DCDC2: variants seen among roughly 807,000 people sequenced by gnomAD.
DCDC2 encodes the protein doublecortin domain containing 2.
A neutral mutation model predicts 50.2 loss-of-function variants in DCDC2; 40 were observed. That is an observed-to-expected ratio of 0.80 (90% CI 0.62 to 1.04). The LOEUF is 1.04. Ranked by LOEUF, DCDC2 falls within the 50% of genes least tolerant of loss-of-function variation. The pLI, the probability that DCDC2 is intolerant of heterozygous loss-of-function variation, is 0.00. For missense variants in DCDC2, 570 were observed against 581.9 expected, an observed-to-expected ratio of 0.98 and a Z score of 0.21; for synonymous variants, 234 against 210.6, an observed-to-expected ratio of 1.11 and a Z score of -0.96.
rs557479772 is a variant in DCDC2 at position 24,309,673 on chromosome 6, G to A, written c.349-7629C>T. The stretch of plus-strand genomic sequence containing the variant: ...AAAGAACAAAAACAAATATTAGATG[G>A]AACAAAAAAACAAATAACATGATAA... On this transcript the variant is annotated intron_variant, in intron 2 of 9. Coordinates refer to ENST00000378454, the MANE Select transcript of DCDC2 (RefSeq NM_016356.5). Among the ~76,000 whole-genome samples the A allele has an allele frequency of 5.5e-4, 83 of 152,128 alleles. 3 individuals are homozygous for A. Among genetic ancestry groups the A allele is most frequent in the Admixed American group, 5.4e-3 (83 of 15,268 alleles).
At chr6:24,353,107 T>C in intron 2 of DCDC2, 1 of 299,580 alleles carries the variant, frequency 3.3e-6, no homozygotes, top group Non-Finnish European at 6.6e-6. Flanking sequence ...CACAGGTGTT[T>C]TCCTGACATC....
chr6:24,379,263 TGCGAGAAA>T, the DCDC2 span, among the ~76,000 whole-genome samples: 1 of 152,070 alleles, frequency 6.6e-6, no homozygotes, highest in Admixed American at 6.5e-5. Flanking sequence ...ACCTACAGAA[TGCGAGAAA>T]ATTTTTGCAA....
chr6:24,209,976 C>T (rs1055594275), intron 7 of DCDC2, among the ~76,000 whole-genome samples: 2 of 151,606 alleles, frequency 1.3e-5, no homozygotes, highest in Admixed American at 6.6e-5. Flanking sequence ...TTTATTATCT[C>T]ATTTACTTGA....
chr6:24,311,097 A>G (rs999039165), intron 2 of DCDC2, among the ~76,000 whole-genome samples: 12 of 152,048 alleles, frequency 7.9e-5, no homozygotes, highest in Admixed American at 7.9e-4. Flanking sequence ...ACACCTATAA[A>G]AGCTGCCACT....
At chr6:24,255,604 A>T (rs1364224543) in intron 7 of DCDC2, among the ~76,000 whole-genome samples, 1 of 152,186 alleles carries the variant, frequency 6.6e-6, no homozygotes, top group African/African-American at 2.4e-5. Flanking sequence ...AAAGGCAAAC[A>T]ATACAACAGA....
chr6:24,232,245 C>G (rs1377826246), intron 7 of DCDC2, among the ~76,000 whole-genome samples: 1 of 152,158 alleles, frequency 6.6e-6, no homozygotes, highest in Non-Finnish European at 1.5e-5. Context: ...TAACCAGGCA[C>G]AGAAATATTT....
At chr6:24,233,721 T>A (rs561274774) in intron 7 of DCDC2, among the ~76,000 whole-genome samples, 2 of 152,322 alleles carry the variant, frequency 1.3e-5, no homozygotes, top group East Asian at 1.9e-4. Flanking sequence ...CTCTTAATGA[T>A]GAAATAATTT....
At chr6:24,246,479 CTTTT>C (rs4052666) in intron 7 of DCDC2, among the ~76,000 whole-genome samples, 27 of 70,790 alleles carry the variant, frequency 3.8e-4, no homozygotes, top group African/African-American at 4.8e-4. Flanking sequence ...TTTTCTTTTT[CTTTT>C]TTTTTTTTTT....
chr6:24,306,509 G>GATAA (rs1759475926), intron 2 of DCDC2, among the ~76,000 whole-genome samples: 1 of 121,536 alleles, frequency 8.2e-6, no homozygotes, highest in Non-Finnish European at 1.7e-5. Context: ...TAGATAGATA[G>GATAA]ATAGATAGAT....
chr6:24,190,214 C>A (rs768427949), intron 8 of DCDC2, among the ~76,000 whole-genome samples: 2 of 152,088 alleles, frequency 1.3e-5, no homozygotes, highest in Non-Finnish European at 2.9e-5. Flanking sequence ...TCACCCGGGT[C>A]CCTTTAAGCC....
chr6:24,243,376 G>A (rs763182310), intron 7 of DCDC2, among the ~76,000 whole-genome samples: 1 of 152,130 alleles, frequency 6.6e-6, no homozygotes, highest in Non-Finnish European at 1.5e-5. Flanking sequence ...ATTTAATCCA[G>A]GCTCTGCCAC....
the DCDC2 span, among the ~76,000 whole-genome samples, chr6:24,373,422 T>C: frequency 6.6e-6 from 1 of 152,228 alleles, no homozygotes. Flanking sequence ...CTCAGCAGCA[T>C]GCGTCAACAT....
At chr6:24,337,139 A>G (rs987330681) in intron 2 of DCDC2, among the ~76,000 whole-genome samples, 9 of 152,228 alleles carry the variant, frequency 5.9e-5, no homozygotes, top group African/African-American at 2.2e-4. Flanking sequence ...ACAGCTAAAG[A>G]AACCAAATGG....
At chr6:24,216,619 C>A (rs920651243) in intron 7 of DCDC2, among the ~76,000 whole-genome samples, 1 of 152,238 alleles carries the variant, frequency 6.6e-6, no homozygotes, top group Non-Finnish European at 1.5e-5. Flanking sequence ...GCCATCAAGA[C>A]AGTCAGGGAT....
intron 7 of DCDC2, among the ~76,000 whole-genome samples, chr6:24,243,078 G>A (rs1370485151): frequency 6.6e-6 from 1 of 152,196 alleles, no homozygotes; most frequent in Non-Finnish European, 1.5e-5. Flanking sequence ...ACCCTCTGAG[G>A]TATTTCATCT....
chr6:24,193,236 G>A (rs1231028267), intron 8 of DCDC2, among the ~76,000 whole-genome samples: 4 of 152,032 alleles, frequency 2.6e-5, no homozygotes, highest in African/African-American at 9.7e-5. Flanking sequence ...TTTCTCTGAA[G>A]GCAACTAGAG....
At chr6:24,301,305 A>G (rs547355539) in intron 4 of DCDC2, among the ~76,000 whole-genome samples, 2 of 134,458 alleles carry the variant, frequency 1.5e-5, no homozygotes, top group South Asian at 2.5e-4. Context: ...CGGGAGGCGG[A>G]GCTTGCAGTG....
At chr6:24,239,937 TATC>T (rs1762530835) in intron 7 of DCDC2, among the ~76,000 whole-genome samples, 1 of 152,162 alleles carries the variant, frequency 6.6e-6, no homozygotes. Context: ...CATATAATAA[TATC>T]ATTCTGTAAA....
chr6:24,198,357 C>G (rs1761493600), intron 8 of DCDC2, among the ~76,000 whole-genome samples: 1 of 152,160 alleles, frequency 6.6e-6, no homozygotes, highest in African/African-American at 2.4e-5. Context: ...AGAAGGCGAG[C>G]TGAAGCAGGG....
Sources: allele counts gnomAD v4.1 joint callset (sites outside exome capture counted in the v4.1 genomes callset), GRCh38; gene constraint gnomAD v4.1.1; transcripts MANE v1.5; gene names NCBI Gene and HGNC (gene_info 2026-07-23, HGNC 2026-07-21).